The following PPP5C variants were observed in gnomAD, a reference collection of about 807,000 sequenced individuals.
PPP5C encodes the protein serine/threonine-protein phosphatase 5.
A neutral mutation model predicts 66.7 loss-of-function variants in PPP5C; 21 were observed. That is an observed-to-expected ratio of 0.31 (90% CI 0.22 to 0.45). The LOEUF is 0.45. Ranked by LOEUF, PPP5C falls within the 20% of genes least tolerant of loss-of-function variation. The pLI is 1.00. For synonymous variants in PPP5C, 246 were observed against 257.4 expected, an observed-to-expected ratio of 0.96 and a Z score of 0.43; for missense variants, 464 against 675.9, an observed-to-expected ratio of 0.69 and a Z score of 3.48.
intron 7 of PPP5C, among the ~76,000 whole-genome samples, chr19:46,386,352 C>T (rs1972886052): frequency 6.6e-6 from 1 of 152,130 alleles, no homozygotes; most frequent in Admixed American, 6.5e-5. Context: ...ATGCCCGTGT[C>T]CCTGGGCTCA....
Position 46,383,658 on chromosome 19 carries a change from G to A in PPP5C, c.700-122G>A. ...CTCTTGGTCTTCGTTTGTGTTCCCT[G>A]CTTGTGTCTCTTGCATGATTCTTCT... On this transcript the variant is annotated intron_variant, in intron 5 of 12. Transcript: ENST00000012443. This position sits in a 1 kb window ranked among gnomAD's most constrained non-coding sequence, Gnocchi z 5.0. The A allele has an allele frequency of 9.6e-7, 1 of 1,036,584 alleles. No individual in the cohort carries two copies. Among genetic ancestry groups the A allele is most frequent in the Non-Finnish European group, 1.4e-6 (1 of 695,096 alleles). The allele number at this position is 1,036,584 out of a possible 1,614,324, so 64.2% of individuals were successfully genotyped here.
intron 1 of PPP5C, among the ~76,000 whole-genome samples, chr19:46,349,601 C>T (rs1972147018): frequency 6.6e-6 from 1 of 151,900 alleles, no homozygotes; most frequent in Non-Finnish European, 1.5e-5. Flanking sequence ...TGGGTGTCAT[C>T]CTGGGGGTGG....
At position 46,361,128 on chromosome 19, in the gene PPP5C, A is replaced by ATT. The variant is rs202038384; in HGVS notation, c.363+7139_363+7140insTT. ...TTTACCCAAAAGATAAGTGAAAGAA[A>ATT]ATTTTTTTTTTTTTTTTTTGAGACG... is the stretch of plus-strand genomic sequence containing the variant. On this transcript the variant is annotated intron_variant, in intron 2 of 12. Transcript: ENST00000012443. Among the ~76,000 whole-genome samples the ATT allele has an allele frequency of 6.0e-5, 8 of 133,414 alleles. 2 individuals are homozygous for ATT. Among genetic ancestry groups the ATT allele is most frequent in the Admixed American group, 2.3e-4 (3 of 12,872 alleles). The allele number at this position is 133,414 out of a possible 152,430, so 87.5% of individuals were successfully genotyped here.
At chr19:46,377,770 T>C (rs900676318) in intron 4 of PPP5C, among the ~76,000 whole-genome samples, 8 of 152,246 alleles carry the variant, frequency 5.3e-5, no homozygotes, top group Admixed American at 6.5e-5. Context: ...GTTTAGTGTC[T>C]CTTCTTTCAT....
intron 4 of PPP5C, among the ~76,000 whole-genome samples, chr19:46,377,471 G>A (rs954402023): frequency 7.2e-5 from 11 of 152,350 alleles, no homozygotes; most frequent in African/African-American, 2.2e-4. Flanking sequence ...TTAAAGGTGA[G>A]ACAGGAGGAG....
At chr19:46,380,808 C>CT (rs1379736515) in intron 4 of PPP5C, among the ~76,000 whole-genome samples, 8 of 152,020 alleles carry the variant, frequency 5.3e-5, no homozygotes, top group Non-Finnish European at 1.0e-4. Flanking sequence ...ATATAGTCTG[C>CT]TTTTTTCTTC....
At chr19:46,370,761 AG>A (rs1378359069) in intron 2 of PPP5C, among the ~76,000 whole-genome samples, 7 of 150,740 alleles carry the variant, frequency 4.6e-5, no homozygotes, top group Non-Finnish European at 1.0e-4. Context: ...TTTTTTTTTG[AG>A]ATGGGTCTTG....
intron 2 of PPP5C, among the ~76,000 whole-genome samples, chr19:46,360,504 T>C (rs149183907): frequency 1.1e-3 from 164 of 152,136 alleles, no homozygotes; most frequent in African/African-American, 3.8e-3. Flanking sequence ...TTTCTTTTTT[T>C]TTTTTTCTTT....
At chr19:46,389,335 A>G (rs975347271) in intron 11 of PPP5C, among the ~76,000 whole-genome samples, 10 of 145,500 alleles carry the variant, frequency 6.9e-5, no homozygotes. Flanking sequence ...ACACACGCAC[A>G]CGGGCAAGAG....
At chr19:46,374,471 G>A (rs1261523832) in intron 2 of PPP5C, among the ~76,000 whole-genome samples, 1 of 152,180 alleles carries the variant, frequency 6.6e-6, no homozygotes, top group African/African-American at 2.4e-5. Flanking sequence ...AACAGGTGAA[G>A]TCACTTGCCC....
intron 2 of PPP5C, among the ~76,000 whole-genome samples, chr19:46,375,153 C>G (rs1972669151): frequency 1.3e-5 from 2 of 152,156 alleles, no homozygotes; most frequent in South Asian, 4.1e-4. Flanking sequence ...CTTGGGGAGT[C>G]CATGTCGTCC....
intron 4 of PPP5C, chr19:46,382,440 C>T (rs1240433178): frequency 2.6e-5 from 4 of 152,148 alleles, no homozygotes; most frequent in African/African-American, 9.7e-5. Context: ...ACTTTTCTAC[C>T]TTCTGACTAG....
chr19:46,347,914 T>A (rs1972112003), intron 1 of PPP5C, among the ~76,000 whole-genome samples: 1 of 149,772 alleles, frequency 6.7e-6, no homozygotes, highest in Non-Finnish European at 1.5e-5. Flanking sequence ...GTCCTTAGCT[T>A]GTAATTTTGC....
Position 46,390,870 on chromosome 19 carries a change from G to A in PPP5C, c.*524G>A. 2 of 1,141,438 alleles carry A rather than the reference G, an allele frequency of 1.8e-6. No individual in the cohort carries two copies. The highest frequency in any genetic ancestry group is 2.2e-6 in the Non-Finnish European group (2 of 914,404). The allele number at this position is 1,141,438 out of a possible 1,614,324, so 70.7% of individuals were successfully genotyped here. A position where few individuals can be genotyped will look rare whatever the true frequency, so the allele number is the denominator to read the frequency against. ...GGAAGTCAGCTTGTCTCTGGATGGT[G>A]GAGCCGAAGGAGCTGCCCGGGTTGG... On this transcript the variant is annotated 3_prime_UTR_variant, in exon 13 of 13. Coordinates refer to ENST00000012443, the MANE Select transcript of PPP5C (RefSeq NM_006247.4).
At chr19:46,366,976 T>A (rs1030267268) in intron 2 of PPP5C, among the ~76,000 whole-genome samples, 3 of 152,248 alleles carry the variant, frequency 2.0e-5, no homozygotes, top group Admixed American at 2.0e-4. Context: ...TTGGCCACTG[T>A]GCTGGATCTA....
chr19:46,385,677 G>A (rs374663854), intron 7 of PPP5C, among the ~76,000 whole-genome samples: 2 of 152,050 alleles, frequency 1.3e-5, no homozygotes, highest in African/African-American at 2.4e-5. Flanking sequence ...CTGCCTGGGA[G>A]GCTGAGGCAG....
In PPP5C at chr19:46,388,256, T is replaced by C; in HGVS notation, c.1136-152T>C. On this transcript the variant is annotated intron_variant, in intron 9 of 12. Coordinates refer to ENST00000012443, the MANE Select transcript of PPP5C (RefSeq NM_006247.4). This position sits in a 1 kb window ranked among gnomAD's most constrained non-coding sequence, Gnocchi z 4.9. ...GGCTCAGAATCACAGTCACCTGTCC[T>C]GAATGTCCATGTCCATGCTGGATGT... 1.3e-6 allele frequency: 1 copy of C among 784,598 alleles called. No individual in the cohort carries two copies. The highest frequency in any genetic ancestry group is 1.7e-5 in the African/African-American group (1 of 57,266). The allele number at this position is 784,598 out of a possible 1,614,324, so 48.6% of individuals were successfully genotyped here.
chr19:46,368,700 A>G (rs1972532741), intron 2 of PPP5C, among the ~76,000 whole-genome samples: 2 of 151,212 alleles, frequency 1.3e-5, no homozygotes, highest in South Asian at 4.2e-4. Flanking sequence ...CATAGATTTT[A>G]CCCCTCACCC....
intron 11 of PPP5C, among the ~76,000 whole-genome samples, chr19:46,389,783 G>A (rs534585960): frequency 4.6e-5 from 7 of 152,068 alleles, no homozygotes; most frequent in Admixed American, 3.9e-4. Context: ...GGGGTCTGGC[G>A]AGCATCCACC....
Sources: gnomAD v4.1 joint callset for allele counts (sites outside exome capture counted in the v4.1 genomes callset) on GRCh38, gnomAD v4.1.1 for gene constraint, Gnocchi (gnomAD v3.1) non-coding constraint, MANE v1.5 for transcripts, NCBI Gene and HGNC (gene_info 2026-07-23, HGNC 2026-07-21) for gene names.